The following MMP16 variants were observed in gnomAD, a reference collection of about 807,000 sequenced individuals.
MMP16 encodes matrix metallopeptidase 16, also known as matrix metalloproteinase-16.
Under a neutral mutation model 67.8 loss-of-function variants are expected in MMP16, and 12 were observed. The ratio of observed to expected loss-of-function variants is 0.18; its 90% CI spans 0.11 to 0.29. The LOEUF (loss-of-function observed/expected upper bound fraction) is 0.29. MMP16 is among the 10% of genes least tolerant of loss of function. The probability of loss-of-function intolerance (pLI) is 1.00; values close to 1 mark genes in which losing one functional copy is unlikely to be tolerated. For synonymous variants in MMP16, 249 were observed against 255.9 expected (o/e 0.97, Z 0.26); for missense variants, 475 against 765.7 (o/e 0.62, Z 4.48).
chr8:88,123,531 C>T (rs183132954), intron 4 of MMP16, among the ~76,000 whole-genome samples: 17 of 151,654 alleles, frequency 1.1e-4, no homozygotes, highest in African/African-American at 3.1e-4. Flanking sequence ...TGCCAGAGAA[C>T]CAGAGAAGTC....
intron 6 of MMP16, among the ~76,000 whole-genome samples, chr8:88,077,015 T>C (rs1808662535): frequency 6.6e-6 from 1 of 152,118 alleles, no homozygotes; most frequent in African/African-American, 2.4e-5. Flanking sequence ...AGTCTGCAGA[T>C]AGGAATACAA....
At chr8:88,103,542 T>C (rs529247641) in intron 6 of MMP16, among the ~76,000 whole-genome samples, 136 of 151,924 alleles carry the variant, frequency 9.0e-4, no homozygotes, top group Middle Eastern at 6.8e-3. Context: ...ACAATACTAA[T>C]AGTAGTAGTA....
chr8:88,255,668 T>A (rs1180222370), intron 1 of MMP16, among the ~76,000 whole-genome samples: 1 of 152,200 alleles, frequency 6.6e-6, no homozygotes, highest in Admixed American at 6.5e-5. Context: ...ATAAGGACTT[T>A]AAATTTCCAT....
At chr8:88,102,617 TG>T (rs958795230) in intron 6 of MMP16, among the ~76,000 whole-genome samples, 2 of 151,580 alleles carry the variant, frequency 1.3e-5, no homozygotes, top group African/African-American at 4.8e-5. Context: ...GGTTAAGGAG[TG>T]GGGTTGAAAG....
At chr8:88,247,834 A>G (rs958346330) in intron 1 of MMP16, among the ~76,000 whole-genome samples, 2 of 151,988 alleles carry the variant, frequency 1.3e-5, no homozygotes, top group Non-Finnish European at 2.9e-5. Context: ...ATAACAGTGT[A>G]GGGGAATCTG....
At chr8:88,273,106 CAG>C (rs1290324849) in intron 1 of MMP16, among the ~76,000 whole-genome samples, 4 of 149,814 alleles carry the variant, frequency 2.7e-5, no homozygotes, top group African/African-American at 7.4e-5. Flanking sequence ...TTTTTTGAGA[CAG>C]AGTCTTGCTC....
At chr8:88,269,940 T>A (rs921789373) in intron 1 of MMP16, among the ~76,000 whole-genome samples, 2 of 152,220 alleles carry the variant, frequency 1.3e-5, no homozygotes, top group East Asian at 1.9e-4. Flanking sequence ...TCTCATATTA[T>A]AATCAGGCAT....
chr8:88,130,842 A>C (rs1038246182), intron 4 of MMP16, among the ~76,000 whole-genome samples: 1 of 151,472 alleles, frequency 6.6e-6, no homozygotes, highest in Non-Finnish European at 1.5e-5. Flanking sequence ...ATTTTTACAG[A>C]TTCTAAGGAA....
intron 1 of MMP16, among the ~76,000 whole-genome samples, chr8:88,296,317 G>A (rs907683457): frequency 6.6e-6 from 1 of 152,072 alleles, no homozygotes; most frequent in South Asian, 2.1e-4. Flanking sequence ...TAATAATTGT[G>A]TATATTTACA....
chr8:88,309,422 T>G (rs1811261736), intron 1 of MMP16, among the ~76,000 whole-genome samples: 1 of 151,286 alleles, frequency 6.6e-6, no homozygotes, highest in South Asian at 2.1e-4. Flanking sequence ...GAAGAAAGTC[T>G]ATAAAGAGGG....
chr8:88,298,452 T>C (rs565219797), intron 1 of MMP16, among the ~76,000 whole-genome samples: 1 of 152,294 alleles, frequency 6.6e-6, no homozygotes, highest in East Asian at 1.9e-4. Context: ...ATTGCTGAGA[T>C]AGCAATCCTT....
Position 88,167,526 on chromosome 8 carries a change from G to A in MMP16, c.709+143C>T, listed in dbSNP as rs956861477. On this transcript the variant is annotated intron_variant, in intron 4 of 9. Coordinates refer to ENST00000286614, the MANE Select transcript of MMP16 (RefSeq NM_005941.5). ...CCCACACAAATTCTTATCCTAAAAT[G>A]CTATAAAATATGCTTACATATTGCT... is the stretch of plus-strand genomic sequence containing the variant. 31 of 724,722 alleles carry A rather than the reference G, an allele frequency of 4.3e-5. No homozygotes were observed. The East Asian group carries it at 8.6e-4, about 20-fold the overall frequency. The allele number at this position is 724,722 out of a possible 1,614,324, so 44.9% of individuals were successfully genotyped here. A position where few individuals can be genotyped will look rare whatever the true frequency, so the allele number is the denominator to read the frequency against.
At chr8:88,259,030 C>T (rs1810347172) in intron 1 of MMP16, among the ~76,000 whole-genome samples, 1 of 152,168 alleles carries the variant, frequency 6.6e-6, no homozygotes, top group East Asian at 1.9e-4. Flanking sequence ...CCTTTCCTTT[C>T]CTCCTTTCAC....
chr8:88,125,677 A>T (rs1228957635), intron 4 of MMP16, among the ~76,000 whole-genome samples: 2 of 151,978 alleles, frequency 1.3e-5, no homozygotes, highest in East Asian at 3.9e-4. Context: ...TACTTAATTC[A>T]TAAAAGTCTT....
Position 88,221,878 on chromosome 8 carries a change from A to T in MMP16, c.133-24572T>A, listed in dbSNP as rs191346590. Among the ~76,000 whole-genome samples the T allele has an allele frequency of 2.7e-3, 406 of 152,222 alleles. 4 individuals are homozygous for T. In the Middle Eastern group the frequency reaches 0.048, roughly 18 times the overall value. On this transcript the variant is annotated intron_variant, in intron 1 of 9. Transcript: ENST00000286614. ...TATATGAAGTTGAAAGCCTATAATC[A>T]TATACTGATTTCAGATAAATACAAA...
At chr8:88,045,547 A>T (rs1586120362) in intron 9 of MMP16, among the ~76,000 whole-genome samples, 1 of 151,576 alleles carries the variant, frequency 6.6e-6, no homozygotes, top group East Asian at 1.9e-4. Context: ...ATTTTTTTAT[A>T]TTTTTAGTAG....
chr8:88,257,380 A>C (rs1453900403), intron 1 of MMP16, among the ~76,000 whole-genome samples: 1 of 152,244 alleles, frequency 6.6e-6, no homozygotes, highest in Non-Finnish European at 1.5e-5. Context: ...CATTTACTAG[A>C]GGTCATACCT....
intron 1 of MMP16, among the ~76,000 whole-genome samples, chr8:88,307,044 A>G (rs1261783350): frequency 3.3e-5 from 5 of 152,216 alleles, no homozygotes; most frequent in African/African-American, 1.2e-4. Context: ...TCTCAACCCA[A>G]AAGCATCTTA....
intron 6 of MMP16, among the ~76,000 whole-genome samples, chr8:88,104,207 C>T (rs1352627381): frequency 6.6e-6 from 1 of 151,630 alleles, no homozygotes; most frequent in Non-Finnish European, 1.5e-5. Flanking sequence ...AGTTCCTTCA[C>T]TCCAAGATTT....
Sources: gnomAD v4.1 joint callset for allele counts (sites outside exome capture counted in the v4.1 genomes callset) on GRCh38, gnomAD v4.1.1 for gene constraint, MANE v1.5 for transcripts, NCBI Gene and HGNC (gene_info 2026-07-23, HGNC 2026-07-21) for gene names.